Variants in NAV3 observed in about 807,000 individuals in gnomAD.
NAV3 encodes pore membrane and/or filament interacting like protein 1.
NAV3 carries 87 observed loss-of-function variants against 244.7 expected under a neutral mutation model. The observed-to-expected ratio is 0.36, with a 90% CI of 0.30 to 0.42. The LOEUF is 0.42. Among genes scored for constraint, NAV3 ranks in the 20% least tolerant of loss-of-function variants. The probability of loss-of-function intolerance (pLI) is 1.00; values close to 1 mark genes in which losing one functional copy is unlikely to be tolerated. For missense variants in NAV3, 2,663 were observed against 2,893.3 expected (o/e 0.92, Z 1.83); for synonymous variants, 1,126 against 1,042.2 (o/e 1.08, Z -1.55).
chr12:77,637,468 A>G (rs1281548624), intron 2 of NAV3, among the ~76,000 whole-genome samples: 1 of 152,146 alleles, frequency 6.6e-6, no homozygotes, highest in Non-Finnish European at 1.5e-5. Context: ...AAAGATACGT[A>G]TTTTTAAAGT....
chr12:77,965,866 A>C (rs137983281), intron 3 of NAV3, among the ~76,000 whole-genome samples: 1 of 152,142 alleles, frequency 6.6e-6, no homozygotes, highest in South Asian at 2.1e-4. Flanking sequence ...TAAATTACCC[A>C]CATCCTAACA....
intron 9 of NAV3, among the ~76,000 whole-genome samples, chr12:78,048,556 C>G (rs1262428081): frequency 6.6e-6 from 1 of 152,198 alleles, no homozygotes; most frequent in Admixed American, 6.5e-5. Context: ...GGCTGCAGAA[C>G]AGCAAAGATT....
intron 1 of NAV3, among the ~76,000 whole-genome samples, chr12:77,878,668 TAA>T (rs533999299): frequency 4.4e-5 from 6 of 137,868 alleles, no homozygotes; most frequent in Non-Finnish European, 6.3e-5. Context: ...CTTAAACTTC[TAA>T]AAAAAAAAAA....
intron 2 of NAV3, among the ~76,000 whole-genome samples, chr12:77,695,747 G>A (rs993779905): frequency 6.6e-6 from 1 of 152,050 alleles, no homozygotes; most frequent in East Asian, 1.9e-4. Context: ...GCTGTGTAAA[G>A]TTTTTATGAG....
chr12:77,603,194 G>A (rs1565732849), intron 2 of NAV3, among the ~76,000 whole-genome samples: 1 of 152,002 alleles, frequency 6.6e-6, no homozygotes, highest in Non-Finnish European at 1.5e-5. Context: ...TTACCCATAA[G>A]CACGACAATT....
At chr12:77,750,837 T>G (rs1046811603) in intron 2 of NAV3, among the ~76,000 whole-genome samples, 2 of 152,308 alleles carry the variant, frequency 1.3e-5, no homozygotes, top group East Asian at 3.9e-4. Context: ...AGGCAGAATG[T>G]AGCACTCACA....
chr12:78,131,875 G>C (rs1448176611), intron 18 of NAV3, among the ~76,000 whole-genome samples: 1 of 152,176 alleles, frequency 6.6e-6, no homozygotes, highest in East Asian at 1.9e-4. Context: ...CACGATCATA[G>C]AGTAGCATTC....
chr12:77,627,234 C>A (rs542012213), intron 2 of NAV3, among the ~76,000 whole-genome samples: 1 of 152,060 alleles, frequency 6.6e-6, no homozygotes, highest in Non-Finnish European at 1.5e-5. Flanking sequence ...CGTGCAGGAA[C>A]AACTATAGTT....
intron 2 of NAV3, among the ~76,000 whole-genome samples, chr12:77,634,521 G>A (rs541726704): frequency 1.3e-5 from 2 of 152,298 alleles, no homozygotes; most frequent in African/African-American, 4.8e-5. Context: ...TTGTAAGCAA[G>A]ATGGTTATAA....
intron 9 of NAV3, among the ~76,000 whole-genome samples, chr12:78,038,247 C>T (rs532572979): frequency 1.3e-5 from 2 of 152,324 alleles, no homozygotes; most frequent in Non-Finnish European, 2.9e-5. Context: ...ATATTTACAT[C>T]ACACAGTCCC....
At chr12:77,821,232 T>C (rs962524155) in intron 2 of NAV3, among the ~76,000 whole-genome samples, 2 of 152,104 alleles carry the variant, frequency 1.3e-5, no homozygotes, top group Non-Finnish European at 2.9e-5. Flanking sequence ...GATCTGGATG[T>C]TAGTTAGATC....
At chr12:78,149,055 T>G in intron 22 of NAV3, 136 bp downstream of exon 22, 1 of 716,306 alleles carries the variant, frequency 1.4e-6, no homozygotes, top group Non-Finnish European at 2.3e-6. Flanking sequence ...CATAAAAAGT[T>G]AACATTTTTT....
At chr12:77,963,240 C>G (rs962945057) in intron 3 of NAV3, among the ~76,000 whole-genome samples, 1 of 151,866 alleles carries the variant, frequency 6.6e-6, no homozygotes, top group African/African-American at 2.4e-5. Flanking sequence ...TAAGGGAAAT[C>G]CATATTAAAA....
At position 77,923,122 on chromosome 12, in the gene NAV3, T is replaced by A. The variant is rs1269720015; in HGVS notation, c.244-17197T>A. 2.0e-5 allele frequency among the ~76,000 whole-genome samples: 3 copies of A among 151,966 alleles called. No individual in the cohort carries two copies. The East Asian group carries it at 5.8e-4, about 29-fold the overall frequency. On this transcript the variant is annotated intron_variant, in intron 1 of 39. Transcript: ENST00000397909. ...CTATCATTAGGTGTTTTAGTTCCAATTTATAAATATTATAATTAATATAAA... is the reference window on the plus strand; with the variant it reads ...CTATCATTAGGTGTTTTAGTTCCAAATTATAAATATTATAATTAATATAAA...
intron 26 of NAV3, 117 bp downstream of exon 26, chr12:78,176,576 G>T: frequency 1.1e-6 from 1 of 924,030 alleles, no homozygotes; most frequent in East Asian, 2.6e-5. Context: ...TACCTTGTAT[G>T]TCTTTTCTTT....
In NAV3 at chr12:77,943,071, T is replaced by C. The variant is rs896128984; in HGVS notation, c.414+1938T>C. Reference sequence around the variant, plus strand: ...AAACAGGCAAGCTTATACTCAGTGATGGAAAAACAATTCCAAAGCTCATAA... The same window carrying C: ...AAACAGGCAAGCTTATACTCAGTGACGGAAAAACAATTCCAAAGCTCATAA... On this transcript the variant is annotated intron_variant, in intron 3 of 39. Transcript: ENST00000397909. 4.6e-5 allele frequency among the ~76,000 whole-genome samples: 7 copies of C among 152,330 alleles called. No homozygotes were observed. The South Asian group carries it at 1.5e-3, about 32-fold the overall frequency.
In NAV3 at chr12:77,877,987, G is replaced by C. The variant is rs181642251; in HGVS notation, c.243+46283G>C. ...TAACCCCAGTAAAATCATGAGAAAA[G>C]TATGAGGCAAATTCCAATAAATGAG... is the stretch of plus-strand genomic sequence containing the variant. On this transcript the variant is annotated intron_variant, in intron 1 of 39. Transcript: ENST00000397909. Among the ~76,000 whole-genome samples the C allele has an allele frequency of 3.3e-5, 5 of 152,170 alleles. No homozygotes were observed. In the East Asian group the frequency reaches 9.7e-4, roughly 30 times the overall value.
At chr12:77,872,491 T>G (rs1187401013) in intron 1 of NAV3, among the ~76,000 whole-genome samples, 3 of 152,096 alleles carry the variant, frequency 2.0e-5, no homozygotes, top group African/African-American at 7.2e-5. Flanking sequence ...GAAGGGTTGG[T>G]GTTTGGGGAA....
intron 2 of NAV3, among the ~76,000 whole-genome samples, chr12:77,642,926 T>C (rs1363441768): frequency 1.3e-5 from 2 of 152,086 alleles, no homozygotes; most frequent in African/African-American, 4.8e-5. Flanking sequence ...CAATCAGCTT[T>C]GACCCAACAG....
Sources: allele counts gnomAD v4.1 joint callset (sites outside exome capture counted in the v4.1 genomes callset), GRCh38; gene constraint gnomAD v4.1.1; transcripts MANE v1.5; gene names NCBI Gene and HGNC (gene_info 2026-07-23, HGNC 2026-07-21).